The following ADGRG6 variants were observed in gnomAD, a reference collection of about 807,000 sequenced individuals.
ADGRG6 encodes the protein adhesion G protein-coupled receptor G6.
ADGRG6 carries 84 observed loss-of-function variants against 142.4 expected under a neutral mutation model. The observed-to-expected ratio is 0.59, with a 90% CI of 0.49 to 0.71. ADGRG6 has a LOEUF of 0.71. ADGRG6 is among the 30% of genes least tolerant of loss of function. The pLI is 0.00. For missense variants in ADGRG6, 1,367 were observed against 1,466.6 expected, an observed-to-expected ratio of 0.93 and a Z score of 1.11; for synonymous variants, 521 against 520.5, an observed-to-expected ratio of 1.00 and a Z score of -0.01.
At chr6:142,324,215 T>A (rs1281307508) in intron 2 of ADGRG6, among the ~76,000 whole-genome samples, 1 of 152,104 alleles carries the variant, frequency 6.6e-6, no homozygotes, top group Non-Finnish European at 1.5e-5. Flanking sequence ...CTCTGCAATC[T>A]AGCAGTAAAG....
At chr6:142,398,212 G>A (rs1205850038) in intron 10 of ADGRG6, among the ~76,000 whole-genome samples, 2 of 152,156 alleles carry the variant, frequency 1.3e-5, no homozygotes. Flanking sequence ...AATAACTTGA[G>A]CCCAGGAATT....
rs568761072 is a variant in ADGRG6 at position 142,438,639 on chromosome 6, C to G, written c.3574+275C>G. On this transcript the variant is annotated intron_variant, in intron 24 of 24. Transcript: ENST00000367609. ...GATTCAAAAACTTGGTTATCTTTAA[C>G]AATTATGGTATTTTGTTTAAAAAGT... Among the ~76,000 whole-genome samples, 6 of 152,140 alleles carry G rather than the reference C, an allele frequency of 3.9e-5. No homozygotes were observed. The East Asian group carries it at 1.2e-3, about 29-fold the overall frequency.
intron 2 of ADGRG6, among the ~76,000 whole-genome samples, chr6:142,318,202 A>ATATATATTTATAT (rs1554230754): frequency 3.5e-5 from 1 of 28,464 alleles, no homozygotes; most frequent in African/African-American, 1.5e-4. Context: ...TATTTATATT[A>ATATATATTTATAT]TATATATTTA....
At chr6:142,342,876 G>A (rs1225826442) in intron 2 of ADGRG6, among the ~76,000 whole-genome samples, 1 of 151,666 alleles carries the variant, frequency 6.6e-6, no homozygotes, top group Non-Finnish European at 1.5e-5. Context: ...ATTTTAGTAA[G>A]TAAAATGCTA....
At position 142,403,966 on chromosome 6, in the gene ADGRG6, AT is replaced by A. The variant is rs1325953331; in HGVS notation, c.2123del (p.Phe708SerfsTer16). ...GGTCTTCCAAGCAATAATGAATCGT[AT>A]TTCCAGGTAATGAGCCAGTGGTTTC... ...SIGLPSNNES[Y>X]FQMDFESGQV... On this transcript the variant is annotated frameshift_variant, in exon 14 of 25. Coordinates refer to ENST00000367609, the MANE Select transcript of ADGRG6 (RefSeq NM_198569.3). LOFTEE classifies it high-confidence loss of function. The A allele has an allele frequency of 6.2e-7, 1 of 1,604,408 alleles. No homozygotes were observed. Among genetic ancestry groups the A allele is most frequent in the Non-Finnish European group, 8.5e-7 (1 of 1,172,458 alleles).
intron 2 of ADGRG6, among the ~76,000 whole-genome samples, chr6:142,345,493 A>T (rs1317931687): frequency 6.6e-6 from 1 of 152,058 alleles, no homozygotes; most frequent in African/African-American, 2.4e-5. Flanking sequence ...ACTGTGTTTG[A>T]ATTCAAAATA....
At chr6:142,405,495 C>G (rs1456794924) in intron 14 of ADGRG6, 193 bp from the exon 15 acceptor site, 1 of 671,330 alleles carries the variant, frequency 1.5e-6, no homozygotes, top group Non-Finnish European at 2.7e-6. Context: ...CATGTAAAAC[C>G]CAAATGAGAT....
In ADGRG6 at chr6:142,417,325, A is replaced by C. The variant is rs763235586; in HGVS notation, c.2991A>C (p.Glu997Asp). ...SVVLASRNNN[E>D]VYGKESYGKE... ...TTCTAGCGAGCAGAAACAACAATGA[A>C]GTCTATGGAAAAGAAAGTTATGGGA... The change falls in exon 21 of 25, where the codon GAA becomes GAC. Residue 997 changes from glutamate to aspartate, a missense_variant. By Grantham distance (45) the Glu-to-Asp change is conservative (BLOSUM62 2). Transcript: ENST00000367609. 3 of 1,604,726 alleles carry C rather than the reference A, an allele frequency of 1.9e-6. No homozygotes were observed. In the Admixed American group the frequency reaches 5.0e-5, roughly 27 times the overall value.
In ADGRG6 at chr6:142,393,901, AC is replaced by A; in HGVS notation, c.1369del (p.Leu457Ter). 1 of 1,550,458 alleles carries A rather than the reference AC, an allele frequency of 6.4e-7. No individual in the cohort carries two copies. The highest frequency in any genetic ancestry group is 1.2e-5 in the South Asian group (1 of 84,236). ...ATATGTATTTGTGTTTTTAGTTTTC[AC>A]CTGAGTGCTGGAGAGGACAAGATTA... ...YTVYVVNISFHLSAGEDKIKV... is the reference protein window; with the variant it reads ...YTVYVVNISFXLSAGEDKIKV... On this transcript the variant is annotated frameshift_variant, in exon 9 of 25. Transcript: ENST00000367609. LOFTEE classifies it high-confidence loss of function.
At chr6:142,337,662 C>T (rs375712741) in intron 2 of ADGRG6, among the ~76,000 whole-genome samples, 4 of 152,182 alleles carry the variant, frequency 2.6e-5, no homozygotes, top group African/African-American at 4.8e-5. Context: ...CATTCTAGTG[C>T]ATTTCTACAG....
intron 2 of ADGRG6, among the ~76,000 whole-genome samples, chr6:142,339,526 T>C (rs1779511486): frequency 6.6e-6 from 1 of 152,206 alleles, no homozygotes; most frequent in African/African-American, 2.4e-5. Context: ...TCATTACTTC[T>C]GCTTTGCTTG....
At chr6:142,422,433 C>A (rs561904226) in intron 22 of ADGRG6, among the ~76,000 whole-genome samples, 3 of 152,082 alleles carry the variant, frequency 2.0e-5, no homozygotes, top group African/African-American at 7.2e-5. Flanking sequence ...TTTGCTCTTG[C>A]GATAGTTTAC....
At chr6:142,356,365 C>T (rs1355685614) in intron 2 of ADGRG6, among the ~76,000 whole-genome samples, 1 of 152,150 alleles carries the variant, frequency 6.6e-6, no homozygotes, top group Non-Finnish European at 1.5e-5. Context: ...TGGAAATTTT[C>T]TTGAGCAGTA....
At chr6:142,337,314 C>T (rs1779364344) in intron 2 of ADGRG6, among the ~76,000 whole-genome samples, 1 of 152,166 alleles carries the variant, frequency 6.6e-6, no homozygotes, top group Non-Finnish European at 1.5e-5. Flanking sequence ...AATAGCATCA[C>T]AGTTTAAGGA....
intron 22 of ADGRG6, among the ~76,000 whole-genome samples, chr6:142,433,348 A>C (rs1562392284): frequency 6.6e-6 from 1 of 152,146 alleles, no homozygotes; most frequent in Non-Finnish European, 1.5e-5. Flanking sequence ...TTATTTATAC[A>C]CTTTTGCTTA....
At chr6:142,332,696 C>G (rs1299660196) in intron 2 of ADGRG6, among the ~76,000 whole-genome samples, 1 of 152,134 alleles carries the variant, frequency 6.6e-6, no homozygotes, top group East Asian at 1.9e-4. Context: ...AAGAGAGACA[C>G]AATATAGTAG....
chr6:142,406,342 A>G (rs1166381150), intron 15 of ADGRG6, among the ~76,000 whole-genome samples: 1 of 152,216 alleles, frequency 6.6e-6, no homozygotes, highest in Non-Finnish European at 1.5e-5. Context: ...ACATATTATC[A>G]TTTTTATTGG....
intron 2 of ADGRG6, among the ~76,000 whole-genome samples, chr6:142,320,019 C>T (rs1778436214): frequency 6.6e-6 from 1 of 151,948 alleles, no homozygotes; most frequent in Non-Finnish European, 1.5e-5. Flanking sequence ...ATACATAAAC[C>T]AGTTTGTTCA....
chr6:142,349,449 C>T (rs1480570839), intron 2 of ADGRG6, among the ~76,000 whole-genome samples: 1 of 152,198 alleles, frequency 6.6e-6, no homozygotes, highest in East Asian at 1.9e-4. Flanking sequence ...GACCTTATCC[C>T]CCACTTTGAG....
Sources: allele counts gnomAD v4.1 joint callset (sites outside exome capture counted in the v4.1 genomes callset), GRCh38; gene constraint gnomAD v4.1.1; transcripts MANE v1.5; gene names NCBI Gene and HGNC (gene_info 2026-07-23, HGNC 2026-07-21).